Variants in RPS6KA6 observed in about 807,000 individuals in gnomAD.
RPS6KA6 encodes ribosomal protein S6 kinase alpha-6.
Under a neutral mutation model 65.4 loss-of-function variants are expected in RPS6KA6, and 27 were observed. The ratio of observed to expected loss-of-function variants is 0.41; its 90% CI spans 0.30 to 0.57. RPS6KA6 has a LOEUF of 0.57. Ranked by LOEUF, RPS6KA6 falls within the 20% of genes least tolerant of loss-of-function variation. RPS6KA6 has a pLI of 0.24. For synonymous variants in RPS6KA6, 190 were observed against 184.2 expected, an observed-to-expected ratio of 1.03 and a Z score of -0.26; for missense variants, 486 against 555.6, an observed-to-expected ratio of 0.87 and a Z score of 1.26.
chrX:84,151,607 C>A (rs2035327325), intron 3 of RPS6KA6, among the ~76,000 whole-genome samples: 1 of 111,212 alleles, frequency 9.0e-6, no homozygotes, highest in Admixed American at 9.6e-5. Context: ...GTTCAGCTCA[C>A]AACTCAAAAA....
chrX:84,150,830 G>GGATATATATATAT (rs2035288854), intron 3 of RPS6KA6, among the ~76,000 whole-genome samples: 1 of 93,762 alleles, frequency 1.1e-5, no homozygotes, highest in African/African-American at 4.5e-5. Context: ...TATATATATA[G>GGATATATATATAT]AGAGGATATA....
chrX:84,140,562 C>A (rs1425318169), intron 6 of RPS6KA6, among the ~76,000 whole-genome samples: 1 of 107,349 alleles, frequency 9.3e-6, no homozygotes, highest in Admixed American at 1.0e-4. Flanking sequence ...CATGGTGAAA[C>A]CCCATCTCTA....
intron 3 of RPS6KA6, among the ~76,000 whole-genome samples, chrX:84,153,808 G>GT (rs2035369263): frequency 2.7e-5 from 3 of 110,080 alleles, no homozygotes; most frequent in Admixed American, 1.9e-4. Flanking sequence ...TATCCTAGGG[G>GT]GAAAAAAAAG....
chrX:84,065,834 T>A (rs1185049481), intron 20 of RPS6KA6, among the ~76,000 whole-genome samples: 1 of 112,005 alleles, frequency 8.9e-6, no homozygotes, highest in Admixed American at 9.5e-5. Flanking sequence ...TCTGGCAAGA[T>A]GGCCGAATAA....
Position 84,107,030 on chromosome X carries a change from A to G in RPS6KA6, c.1122T>C (p.Gly374=). 3 of 1,196,951 alleles carry G rather than the reference A, an allele frequency of 2.5e-6. No homozygotes were observed. In the South Asian group the frequency reaches 5.6e-5, roughly 22 times the overall value. ...FTAKTPKDSP[G]LPASANAHQL... ...GATGAGCATTTGCACTGGCTGGCAA[A>G]CCGGGAGAATCTAATGTCCAAATAA... The change falls in exon 14 of 22, where the codon GGT becomes GGC. Residue 374 remains glycine, a synonymous_variant. Transcript: ENST00000262752.
rs1483967832 is a variant in RPS6KA6, at chrX:84,061,435, T to A, written c.*2842A>T. 1 of 111,817 alleles carries A rather than the reference T, an allele frequency of 8.9e-6. No homozygotes were observed. Among genetic ancestry groups the A allele is most frequent in the African/African-American group, 3.2e-5 (1 of 30,782 alleles). The allele number at this position is 111,817 out of a possible 1,213,427, so 9.2% of individuals were successfully genotyped here. On this transcript the variant is annotated 3_prime_UTR_variant, in exon 22 of 22. Transcript: ENST00000262752. ...TATTGAATTACCAATGACAATAAAT[T>A]ACAAAAAACACTGTTTTAGACATTG...
chrX:84,078,352 T>C (rs980296407), intron 20 of RPS6KA6, among the ~76,000 whole-genome samples: 2 of 111,734 alleles, frequency 1.8e-5, no homozygotes, highest in Non-Finnish European at 3.8e-5. Context: ...ATGCTAATGG[T>C]GAAAATGTAA....
At position 84,107,638 on chromosome X, in the gene RPS6KA6, C is replaced by T; in HGVS notation, c.1096G>A (p.Ala366Thr). 3 of 1,182,912 alleles carry T rather than the reference C, an allele frequency of 2.5e-6. No individual in the cohort carries two copies. The highest frequency in any genetic ancestry group is 3.4e-6 in the Non-Finnish European group (3 of 874,133). Reference sequence around the variant, plus strand: ...CATGCATTACCTTTAGGTGTTTTTGCAGTAAATTCAGGATCAAAACAAAAA... The same window carrying T: ...CATGCATTACCTTTAGGTGTTTTTGTAGTAAATTCAGGATCAAAACAAAAA... The part of the protein sequence containing the change: ...DTFCFDPEFT[A>T]KTPKDSPGLP... The change falls in exon 13 of 22, where the codon GCA becomes ACA. Residue 366 changes from alanine to threonine, a missense_variant. Physicochemically the swap from Ala to Thr is moderately conservative, Grantham distance 58. Around this residue, in one of 3 missense-constraint regions of RPS6KA6, gnomAD observed 345 missense variants for 375.0 expected, o/e 0.92. Transcript: ENST00000262752.
rs755377318 is a variant in RPS6KA6, at chrX:84,135,174, C to T, written c.538G>A (p.Ala180Thr). Residue 180 changes from alanine (A) to threonine (T), a missense_variant, in exon 7 of 22, where the codon GCA becomes ACA. By Grantham distance (58) the Ala-to-Thr change is moderately conservative. Coordinates refer to ENST00000262752, the MANE Select transcript of RPS6KA6 (RefSeq NM_014496.5). ...FTEEDVKFYLAELALALDHLH... is the reference protein window; with the variant it reads ...FTEEDVKFYLTELALALDHLH... ...TGATCCAAAGCAAGGGCCAGTTCTGCGAGGTAGAATTTCACATCTTCCTCT... is the reference window on the plus strand; with the variant it reads ...TGATCCAAAGCAAGGGCCAGTTCTGTGAGGTAGAATTTCACATCTTCCTCT... The T allele has an allele frequency of 4.2e-6, 5 of 1,201,100 alleles. No homozygotes were observed. Among genetic ancestry groups the T allele is most frequent in the Non-Finnish European group, 5.6e-6 (5 of 888,817 alleles).
Position 84,117,075 on chromosome X carries a change from G to C in RPS6KA6, c.934C>G (p.Pro312Ala), listed in dbSNP as rs745512290. Residue 312 changes from proline (P) to alanine (A), a missense_variant, in exon 11 of 22, where the codon CCA becomes GCA. Around this residue, in one of 3 missense-constraint regions of RPS6KA6, gnomAD observed 345 missense variants for 375.0 expected, o/e 0.92. Coordinates refer to ENST00000262752, the MANE Select transcript of RPS6KA6 (RefSeq NM_014496.5). Reference sequence around the variant, plus strand: ...TAAGCAATACCCAATCTATTTGCTGGATTCCTTTTGAATAACATCCTTAGA... The same window carrying C: ...TAAGCAATACCCAATCTATTTGCTGCATTCCTTTTGAATAACATCCTTAGA... ...SLLRMLFKRN[P>A]ANRLGSEGVE... The C allele has an allele frequency of 5.1e-6, 6 of 1,168,941 alleles. No homozygotes were observed. Among genetic ancestry groups the C allele is most frequent in the Non-Finnish European group, 6.9e-6 (6 of 868,970 alleles).
At chrX:84,099,850 T>C (rs1035903194) in intron 18 of RPS6KA6, among the ~76,000 whole-genome samples, 11 of 111,193 alleles carry the variant, frequency 9.9e-5, no homozygotes, top group African/African-American at 3.3e-4. Context: ...AAAAGAATAT[T>C]TTCTCCTTAT....
chrX:84,086,468 G>C (rs370264035), intron 20 of RPS6KA6, among the ~76,000 whole-genome samples: 4 of 111,687 alleles, frequency 3.6e-5, no homozygotes, highest in Admixed American at 9.5e-5. Context: ...GTGTGGTTTT[G>C]AGTAAATATC....
Position 84,119,909 on chromosome X carries a change from A to G in RPS6KA6, c.765T>C (p.Asp255=). The change falls in exon 9 of 22, where the codon GAT becomes GAC. Residue 255 remains aspartate, a synonymous_variant. Transcript: ENST00000262752. ...VNRRGHSQSA[D]WWSYGVLMFE... ...CCATAAGAACACCATATGACCACCA[A>G]TCAGCACTCTGGGAATGGCCTCTCC... The G allele has an allele frequency of 8.3e-7, 1 of 1,198,792 alleles. No homozygotes were observed. Among genetic ancestry groups the G allele is most frequent in the Middle Eastern group, 2.3e-4 (1 of 4,300 alleles).
At chrX:84,117,923 G>C in intron 9 of RPS6KA6, among the ~76,000 whole-genome samples, 1 of 110,507 alleles carries the variant, frequency 9.0e-6, no homozygotes, top group Non-Finnish European at 1.9e-5. Context: ...AGAAGTAGAA[G>C]CAGCAGAACA....
chrX:84,061,556 C>T lies in RPS6KA6; in HGVS notation c.*2721G>A, dbSNP rs1343570789. ...AAATCCCCATCACCAGCACTGCATT[C>T]GAATTTTCTTGAAAATTGTTTCCTG... On this transcript the variant is annotated 3_prime_UTR_variant, in exon 22 of 22. Transcript: ENST00000262752. 1 of 111,428 alleles carries T rather than the reference C, an allele frequency of 9.0e-6. No homozygotes were observed. The highest frequency in any genetic ancestry group is 2.8e-4 in the East Asian group (1 of 3,542). 9.2% of individuals were successfully genotyped at this position (111,428 alleles called of 1,213,427 possible).
At position 84,174,289 on chromosome X, in the gene RPS6KA6, A is replaced by T. The variant is rs1481630146; in HGVS notation, c.82-9902T>A. ...CTACAATACTCATTTTAAATGATTT[A>T]CTTTGATCCTTTCTGGCTTTCTAAT... On this transcript the variant is annotated intron_variant, in intron 1 of 21. Coordinates refer to ENST00000262752, the MANE Select transcript of RPS6KA6 (RefSeq NM_014496.5). 2.7e-5 allele frequency among the ~76,000 whole-genome samples: 3 copies of T among 112,161 alleles called. No individual in the cohort carries two copies. The Admixed American group carries it at 2.9e-4, about 11-fold the overall frequency.
At chrX:84,150,902 G>GATATAT (rs200442191) in intron 3 of RPS6KA6, among the ~76,000 whole-genome samples, 2 of 72,990 alleles carry the variant, frequency 2.7e-5, no homozygotes, top group African/African-American at 9.7e-5. Context: ...ATATATATAG[G>GATATAT]ATATATAGAG....
intron 20 of RPS6KA6, among the ~76,000 whole-genome samples, chrX:84,092,393 G>A (rs942774555): frequency 1.8e-5 from 2 of 110,146 alleles, no homozygotes; most frequent in African/African-American, 6.6e-5. Context: ...GGAGGCTGAG[G>A]TGGGCAGATC....
chrX:84,161,616 C>T (rs2035513551), intron 2 of RPS6KA6, among the ~76,000 whole-genome samples: 1 of 111,556 alleles, frequency 9.0e-6, no homozygotes. Flanking sequence ...ATAGCTCCTA[C>T]CTGTGGTTCC....
Sources: allele counts gnomAD v4.1 joint callset (sites outside exome capture counted in the v4.1 genomes callset), GRCh38; gene constraint gnomAD v4.1.1; regional missense constraint gnomAD v4.1.1; transcripts MANE v1.5; gene names NCBI Gene and HGNC (gene_info 2026-07-23, HGNC 2026-07-21).